Variants in SVOP observed in about 807,000 individuals in gnomAD.
The protein encoded by SVOP is SV2 related protein, also known as synaptic vesicle 2-related protein.
In SVOP, 17 loss-of-function variants were observed where a neutral mutation model predicts 69.1. That is an observed-to-expected ratio of 0.25 (90% confidence interval 0.17 to 0.37). The LOEUF is 0.37. Ranked by LOEUF, SVOP falls within the 10% of genes least tolerant of loss-of-function variation. SVOP has a pLI of 1.00. For missense variants in SVOP, 435 were observed against 597.5 expected, an observed-to-expected ratio of 0.73 and a Z score of 2.84; for synonymous variants, 238 against 238.6, an observed-to-expected ratio of 1.00 and a Z score of 0.02.
At chr12:108,999,885 A>G (rs2040257973) in intron 1 of SVOP, among the ~76,000 whole-genome samples, 2 of 152,102 alleles carry the variant, frequency 1.3e-5, no homozygotes, top group Non-Finnish European at 2.9e-5. Flanking sequence ...TGACACCCTA[A>G]CATCACAATT....
At chr12:108,972,541 C>A (rs2040085501) in intron 4 of SVOP, 65 bp from the exon 5 acceptor site, 3 of 1,481,984 alleles carry the variant, frequency 2.0e-6, no homozygotes, top group African/African-American at 2.8e-5. Context: ...AAGGGAACAA[C>A]AAACGGAAGT....
chr12:108,984,383 G>A (rs947804624), intron 1 of SVOP, among the ~76,000 whole-genome samples: 138 of 152,330 alleles, frequency 9.1e-4, no homozygotes, highest in African/African-American at 3.2e-3. Flanking sequence ...TGAAAAAGTA[G>A]AATATCTCGC....
chr12:108,923,580 G>A (rs1381730454), intron 11 of SVOP, among the ~76,000 whole-genome samples: 1 of 152,016 alleles, frequency 6.6e-6, no homozygotes, highest in African/African-American at 2.4e-5. Context: ...GCTAAGTTGT[G>A]TCCAGACTCC....
intron 5 of SVOP, among the ~76,000 whole-genome samples, chr12:108,971,809 G>A (rs2040080609): frequency 6.6e-6 from 1 of 151,964 alleles, no homozygotes; most frequent in Non-Finnish European, 1.5e-5. Context: ...TCCCAGCGCT[G>A]TGGGAAGGCC....
chr12:109,002,725 G>A (rs1255249066), intron 1 of SVOP, among the ~76,000 whole-genome samples: 40 of 149,070 alleles, frequency 2.7e-4, no homozygotes, highest in African/African-American at 7.4e-4. Flanking sequence ...ACCAAACACC[G>A]CGTATTCTCA....
At chr12:108,926,758 A>G (rs2039783097) in intron 11 of SVOP, among the ~76,000 whole-genome samples, 1 of 152,258 alleles carries the variant, frequency 6.6e-6, no homozygotes, top group Non-Finnish European at 1.5e-5. Context: ...AATTCACTTC[A>G]GCATTTCTGA....
rs2039658537 is a variant in SVOP at position 108,907,900 on chromosome 12, A to G, written c.*4635T>C. On this transcript the variant is annotated 3_prime_UTR_variant, in exon 16 of 16. Transcript: ENST00000610966. Reference sequence around the variant, plus strand: ...TGAATAGACTTGAGAGTTTATGCACATGTCACTGCAGATTCCAGGCATACC... The same window carrying G: ...TGAATAGACTTGAGAGTTTATGCACGTGTCACTGCAGATTCCAGGCATACC... 1.3e-5 allele frequency: 2 copies of G among 152,262 alleles called. No individual in the cohort carries two copies. The highest frequency in any genetic ancestry group is 1.3e-4 in the Admixed American group (2 of 15,284). 9.4% of individuals were successfully genotyped at this position (152,262 alleles called of 1,614,324 possible).
chr12:108,969,268 T>A (rs2040064471), intron 5 of SVOP, among the ~76,000 whole-genome samples: 1 of 149,562 alleles, frequency 6.7e-6, no homozygotes, highest in South Asian at 2.2e-4. Context: ...TTCTTCCTTT[T>A]TTCTTCCTTC....
chr12:108,928,568 A>AT (rs58720673), intron 11 of SVOP, among the ~76,000 whole-genome samples: 70,431 of 142,778 alleles, frequency 0.49, 18,548 homozygotes, highest in South Asian at 0.64. Flanking sequence ...GGATTTTCTG[A>AT]TTTTTTTTTT....
intron 1 of SVOP, among the ~76,000 whole-genome samples, chr12:108,988,062 C>G (rs890543384): frequency 5.3e-5 from 8 of 150,820 alleles, no homozygotes; most frequent in African/African-American, 1.9e-4. Flanking sequence ...ACTGGGACTA[C>G]AGGTGCACAC....
Position 109,003,436 on chromosome 12 carries a change from T to C in SVOP, c.35+17398A>G, listed in dbSNP as rs1271741831. Among the ~76,000 whole-genome samples, 10 of 152,248 alleles carry C rather than the reference T, an allele frequency of 6.6e-5. No individual in the cohort carries two copies. In the East Asian group the frequency reaches 1.9e-3, roughly 29 times the overall value. The stretch of plus-strand genomic sequence containing the variant: ...CTGTGAAGTGGGAATGACAGCCAGC[T>C]TGCAGACGGTTGTGAGCATTAACTG... On this transcript the variant is annotated intron_variant, in intron 1 of 15. Coordinates refer to ENST00000610966, the MANE Select transcript of SVOP (RefSeq NM_018711.5).
Position 108,912,372 on chromosome 12 carries a change from A to G in SVOP, c.*163T>C. 6.7e-7 allele frequency: 1 copy of G among 1,487,558 alleles called. No individual in the cohort carries two copies. Among genetic ancestry groups the G allele is most frequent in the Non-Finnish European group, 8.9e-7 (1 of 1,125,104 alleles). The allele number at this position is 1,487,558 out of a possible 1,614,324, so 92.1% of individuals were successfully genotyped here. A position where few individuals can be genotyped will look rare whatever the true frequency, so the allele number is the denominator to read the frequency against. On this transcript the variant is annotated 3_prime_UTR_variant, in exon 16 of 16. Transcript: ENST00000610966. Reference sequence around the variant, plus strand: ...ATCTCCCCATCCCTGGGTGGACCTCAATGAAGATGAGCAAACTGAGTCAAG... The same window carrying G: ...ATCTCCCCATCCCTGGGTGGACCTCGATGAAGATGAGCAAACTGAGTCAAG...
Position 108,912,472 on chromosome 12 carries a change from T to G in SVOP, c.*63A>C. The G allele has an allele frequency of 6.2e-7, 1 of 1,604,430 alleles. No individual in the cohort carries two copies. The highest frequency in any genetic ancestry group is 2.2e-5 in the East Asian group (1 of 44,688). On this transcript the variant is annotated 3_prime_UTR_variant, in exon 16 of 16. Coordinates refer to ENST00000610966, the MANE Select transcript of SVOP (RefSeq NM_018711.5). ...TCGGCAGTGACAATCAGTGCCCCAG[T>G]TGGGGCCTGCCAGCCCCCCAAGCTC...
At chr12:108,947,415 G>A (rs759842220) in intron 6 of SVOP, among the ~76,000 whole-genome samples, 2 of 151,892 alleles carry the variant, frequency 1.3e-5, no homozygotes. Context: ...ATCTATCTGT[G>A]TATATTTATT....
chr12:108,912,162 C>A lies in SVOP; in HGVS notation c.*373G>T. ...ACAGCAGGTGTCACATGGGCCTGAG[C>A]CTGGACGGTATCTACAGAGAGATAT... On this transcript the variant is annotated 3_prime_UTR_variant, in exon 16 of 16. Transcript: ENST00000610966. The A allele has an allele frequency of 9.2e-7, 1 of 1,084,016 alleles. No individual in the cohort carries two copies. The highest frequency in any genetic ancestry group is 1.1e-6 in the Non-Finnish European group (1 of 890,666). 67.1% of individuals were successfully genotyped at this position (1,084,016 alleles called of 1,614,324 possible).
rs1007895386 is a variant in SVOP, at chr12:108,982,844, A to T, written c.196+757T>A. Among the ~76,000 whole-genome samples the T allele has an allele frequency of 9.7e-4, 141 of 145,836 alleles. 4 individuals are homozygous for T. Among genetic ancestry groups the T allele is most frequent in the African/African-American group, 3.2e-3 (125 of 39,064 alleles). On this transcript the variant is annotated intron_variant, in intron 2 of 15. Transcript: ENST00000610966. ...CATCATCATCACTGTCACCATCATC[A>T]TCATCACTATCATCACCACCATCAT...
At position 108,937,146 on chromosome 12, in the gene SVOP, T is replaced by C. The variant is rs75236001; in HGVS notation, c.971+118A>G. 5.5e-3 allele frequency: 5,309 copies of C among 961,096 alleles called. 186 individuals are homozygous for C. The African/African-American group carries it at 0.073, about 13-fold the overall frequency. The allele number at this position is 961,096 out of a possible 1,614,324, so 59.5% of individuals were successfully genotyped here. ...ATCAGGAGGATGATGTTCGAACTAC[T>C]GAAATTTGCAAACGCTGCCTGAAAT... On this transcript the variant is annotated intron_variant, in intron 10 of 15. Coordinates refer to ENST00000610966, the MANE Select transcript of SVOP (RefSeq NM_018711.5).
intron 4 of SVOP, among the ~76,000 whole-genome samples, chr12:108,976,846 C>G (rs1362571030): frequency 6.6e-6 from 1 of 152,090 alleles, no homozygotes. Flanking sequence ...AACTCCTGAC[C>G]TCAGGTGGTC....
chr12:108,995,901 C>CAA (rs199645152), intron 1 of SVOP, among the ~76,000 whole-genome samples: 13 of 137,040 alleles, frequency 9.5e-5, no homozygotes, highest in African/African-American at 2.4e-4. Flanking sequence ...GACTCTGTCT[C>CAA]AAAAAAAAAA....
Sources: gnomAD v4.1 joint callset for allele counts (sites outside exome capture counted in the v4.1 genomes callset) on GRCh38, gnomAD v4.1.1 for gene constraint, MANE v1.5 for transcripts, NCBI Gene and HGNC (gene_info 2026-07-23, HGNC 2026-07-21) for gene names.